Variants in PRKCE observed in about 807,000 individuals in gnomAD.
The protein encoded by PRKCE is protein kinase C epsilon.
PRKCE carries 16 observed loss-of-function variants against 85.4 expected under a neutral mutation model. That is an observed-to-expected ratio of 0.19 (90% CI 0.13 to 0.28). PRKCE has a LOEUF of 0.28. PRKCE is among the 10% of genes least tolerant of loss of function. The pLI is 1.00. For synonymous variants in PRKCE, 388 were observed against 371.5 expected, an observed-to-expected ratio of 1.04 and a Z score of -0.51; for missense variants, 573 against 975.2, an observed-to-expected ratio of 0.59 and a Z score of 5.49.
intron 11 of PRKCE, among the ~76,000 whole-genome samples, chr2:46,087,211 C>G (rs949520199): frequency 8.0e-5 from 12 of 150,430 alleles, no homozygotes; most frequent in African/African-American, 2.7e-4. Flanking sequence ...TCACCTAGAA[C>G]TTGGTGAAAC....
chr2:45,856,967 G>A (rs1366392958), intron 2 of PRKCE, among the ~76,000 whole-genome samples: 1 of 152,198 alleles, frequency 6.6e-6, no homozygotes, highest in Admixed American at 6.5e-5. Context: ...TGGGAATTTA[G>A]GTTGATTCCA....
chr2:45,958,657 G>A (rs2104398621), intron 2 of PRKCE, among the ~76,000 whole-genome samples: 1 of 150,110 alleles, frequency 6.7e-6, no homozygotes, highest in East Asian at 1.9e-4. Flanking sequence ...TGGTGAGAGA[G>A]GGAGTTGTCT....
At chr2:46,166,525 C>T (rs893684008) in intron 14 of PRKCE, among the ~76,000 whole-genome samples, 11 of 152,224 alleles carry the variant, frequency 7.2e-5, no homozygotes, top group African/African-American at 2.4e-4. Flanking sequence ...TGGCATGGTA[C>T]AGTGGACAGG....
intron 10 of PRKCE, among the ~76,000 whole-genome samples, chr2:46,079,440 T>C (rs768291686): frequency 1.4e-4 from 21 of 152,174 alleles, no homozygotes; most frequent in Admixed American, 8.5e-4. Flanking sequence ...TCATCTTCTA[T>C]ATCCCCCAGC....
chr2:45,942,841 C>T (rs1333071277), intron 2 of PRKCE, among the ~76,000 whole-genome samples: 3 of 152,020 alleles, frequency 2.0e-5, no homozygotes, highest in Non-Finnish European at 1.5e-5. Flanking sequence ...TTTCTGTAAA[C>T]TTCATTTTTA....
chr2:46,095,342 A>G lies in PRKCE; in HGVS notation c.1592+8980A>G, dbSNP rs183089662. Among the ~76,000 whole-genome samples, 69 of 152,256 alleles carry G rather than the reference A, an allele frequency of 4.5e-4. 1 individual carries two copies. The highest frequency in any genetic ancestry group is 1.3e-3 in the Admixed American group (20 of 15,298). On this transcript the variant is annotated intron_variant, in intron 11 of 14. Coordinates refer to ENST00000306156, the MANE Select transcript of PRKCE (RefSeq NM_005400.3). ...GATTAGAGGACCCGGCTTCCAGAAT[A>G]CACATGTTTATTTAATTCTCCTGTG... is the stretch of plus-strand genomic sequence containing the variant.
chr2:45,883,436 G>A (rs1330276530), intron 2 of PRKCE, among the ~76,000 whole-genome samples: 2 of 152,156 alleles, frequency 1.3e-5, no homozygotes, highest in African/African-American at 4.8e-5. Context: ...ATGGCCTTCG[G>A]GAGCCAACCA....
chr2:45,677,916 G>C (rs922228026), intron 1 of PRKCE: 3 of 984,810 alleles, frequency 3.0e-6, no homozygotes, highest in Non-Finnish European at 3.6e-6. Flanking sequence ...AGTGGGAACC[G>C]GTAGGAGCAT....
chr2:45,990,258 G>A (rs1703681404), intron 6 of PRKCE, among the ~76,000 whole-genome samples: 1 of 152,190 alleles, frequency 6.6e-6, no homozygotes, highest in Non-Finnish European at 1.5e-5. Flanking sequence ...TCAGTTCTCT[G>A]CCGTATGGGC....
intron 1 of PRKCE, among the ~76,000 whole-genome samples, chr2:45,676,545 G>A (rs1572907886): frequency 6.6e-6 from 1 of 152,226 alleles, no homozygotes; most frequent in Non-Finnish European, 1.5e-5. Flanking sequence ...TGGTTCTATT[G>A]GGATATAAAC....
intron 14 of PRKCE, among the ~76,000 whole-genome samples, chr2:46,160,733 A>G (rs1055202912): frequency 2.6e-5 from 4 of 152,182 alleles, no homozygotes; most frequent in African/African-American, 9.7e-5. Context: ...CCCTTCTCCA[A>G]GTGCAGAAAA....
At chr2:45,804,001 C>T (rs1688063715) in intron 1 of PRKCE, among the ~76,000 whole-genome samples, 1 of 152,176 alleles carries the variant, frequency 6.6e-6, no homozygotes, top group African/African-American at 2.4e-5. Context: ...ACATTTGAGC[C>T]AATCTCAGAT....
chr2:46,179,315 C>T (rs940783598), intron 14 of PRKCE, among the ~76,000 whole-genome samples: 2 of 152,132 alleles, frequency 1.3e-5, no homozygotes, highest in African/African-American at 4.8e-5. Flanking sequence ...GCTGGCCAGA[C>T]AGGAAGTAAG....
chr2:45,814,306 C>A (rs1688863434), intron 1 of PRKCE, among the ~76,000 whole-genome samples: 1 of 152,220 alleles, frequency 6.6e-6, no homozygotes. Flanking sequence ...CCTAGAGAAT[C>A]TCAGACCTGA....
intron 2 of PRKCE, among the ~76,000 whole-genome samples, chr2:45,958,955 A>G (rs998672626): frequency 1.3e-4 from 20 of 148,882 alleles, no homozygotes; most frequent in African/African-American, 5.0e-4. Context: ...CAGGCTAGCT[A>G]TTAACATCAG....
chr2:46,005,850 G>C (rs1433475625), intron 8 of PRKCE, among the ~76,000 whole-genome samples: 1 of 152,156 alleles, frequency 6.6e-6, no homozygotes, highest in African/African-American at 2.4e-5. Flanking sequence ...GATGTACTCT[G>C]GGGCTGCAGA....
chr2:45,801,116 G>A (rs1291676773), intron 1 of PRKCE, among the ~76,000 whole-genome samples: 1 of 152,202 alleles, frequency 6.6e-6, no homozygotes, highest in Non-Finnish European at 1.5e-5. Context: ...ATAGGCAGTT[G>A]AGTGGGCCAA....
At chr2:45,712,627 C>G (rs80069235) in intron 1 of PRKCE, among the ~76,000 whole-genome samples, 3,432 of 152,286 alleles carry the variant, frequency 0.023, 119 homozygotes, top group African/African-American at 0.078. Flanking sequence ...TGCATTCCCT[C>G]TATGATCTGC....
intron 1 of PRKCE, among the ~76,000 whole-genome samples, chr2:45,813,880 G>A (rs958544920): frequency 2.0e-5 from 3 of 152,126 alleles, no homozygotes; most frequent in South Asian, 2.1e-4. Context: ...CTTCTGTTAC[G>A]GTATAAATAC....
Sources: allele counts gnomAD v4.1 joint callset (sites outside exome capture counted in the v4.1 genomes callset), GRCh38; gene constraint gnomAD v4.1.1; transcripts MANE v1.5; gene names NCBI Gene and HGNC (gene_info 2026-07-23, HGNC 2026-07-21).